NCOA3: variants seen among roughly 807,000 people sequenced by gnomAD.
The protein encoded by NCOA3 is nuclear receptor coactivator 3, also known as CBP-interacting protein.
A neutral mutation model predicts 158.8 loss-of-function variants in NCOA3; 51 were observed. The observed-to-expected ratio is 0.32, with a 90% CI of 0.26 to 0.41. NCOA3 has a LOEUF of 0.41. NCOA3 is among the 10% of genes least tolerant of loss of function. The pLI is 1.00. For missense variants in NCOA3, 1,510 were observed against 1,746.6 expected, an observed-to-expected ratio of 0.86 and a Z score of 2.41; for synonymous variants, 537 against 592.4, an observed-to-expected ratio of 0.91 and a Z score of 1.36.
chr20:47,519,910 C>T (rs2084298512), intron 1 of NCOA3, among the ~76,000 whole-genome samples: 1 of 151,986 alleles, frequency 6.6e-6, no homozygotes, highest in Non-Finnish European at 1.5e-5. Flanking sequence ...TATATAGATG[C>T]CCACCACCAC....
Position 47,624,001 on chromosome 20 carries a change from T to C in NCOA3, c.174T>C (p.Asp58=). Reference sequence around the variant, plus strand: ...AGCTGATATCTGCCAATCTTAGTGATATTGACAATTTCAATGTCAAACCAG... The same window carrying C: ...AGCTGATATCTGCCAATCTTAGTGACATTGACAATTTCAATGTCAAACCAG... ...LAELISANLS[D]IDNFNVKPDK... The change falls in exon 4 of 23, where the codon GAT becomes GAC. Residue 58 remains aspartate (D), a synonymous_variant. Coordinates refer to ENST00000371998, the MANE Select transcript of NCOA3 (RefSeq NM_181659.3). 6.2e-7 allele frequency: 1 copy of C among 1,611,882 alleles called. No individual in the cohort carries two copies. The highest frequency in any genetic ancestry group is 8.5e-7 in the Non-Finnish European group (1 of 1,178,264).
intron 12 of NCOA3, 123 bp downstream of exon 12, chr20:47,636,885 T>C: frequency 1.1e-6 from 1 of 884,584 alleles, no homozygotes; most frequent in Non-Finnish European, 1.7e-6. Context: ...CTCTCATTTC[T>C]TTATAATTAT....
At chr20:47,647,649 GT>G (rs978153757) in intron 18 of NCOA3, among the ~76,000 whole-genome samples, 1 of 151,330 alleles carries the variant, frequency 6.6e-6, no homozygotes, top group Non-Finnish European at 1.5e-5. Flanking sequence ...GGTAGATAAG[GT>G]TTTTTTTGAA....
intron 1 of NCOA3, among the ~76,000 whole-genome samples, chr20:47,577,882 A>G (rs767798080): frequency 7.2e-5 from 11 of 152,242 alleles, no homozygotes; most frequent in Non-Finnish European, 1.5e-4. Context: ...TATGTAGAAT[A>G]CATTATAAGT....
intron 1 of NCOA3, among the ~76,000 whole-genome samples, chr20:47,525,339 A>G (rs2084411674): frequency 6.7e-6 from 1 of 150,364 alleles, no homozygotes; most frequent in Non-Finnish European, 1.5e-5. Context: ...ACCTCTTTCT[A>G]CACAGACACG....
intron 2 of NCOA3, among the ~76,000 whole-genome samples, chr20:47,588,126 C>A (rs1315040926): frequency 6.8e-6 from 1 of 146,634 alleles, no homozygotes; most frequent in African/African-American, 2.6e-5. Flanking sequence ...CCTTTCTCCA[C>A]CCCACTTTTT....
At chr20:47,639,544 T>C in intron 14 of NCOA3, 33 bp from the exon 15 acceptor site, 1 of 1,608,570 alleles carries the variant, frequency 6.2e-7, no homozygotes. Context: ...CATTATAATA[T>C]GGAAAAGACC....
chr20:47,547,289 C>T (rs1262323802), intron 1 of NCOA3, among the ~76,000 whole-genome samples: 1 of 152,070 alleles, frequency 6.6e-6, no homozygotes, highest in Non-Finnish European at 1.5e-5. Flanking sequence ...CTTCTCTTAC[C>T]CCATCTGTGG....
chr20:47,563,159 AC>A (rs2146185470), intron 1 of NCOA3, among the ~76,000 whole-genome samples: 1 of 152,350 alleles, frequency 6.6e-6, no homozygotes, highest in South Asian at 2.1e-4. Flanking sequence ...GCTGGATGTT[AC>A]GAATTATTTT....
At chr20:47,508,863 G>A (rs989755959) in intron 1 of NCOA3, among the ~76,000 whole-genome samples, 7 of 152,156 alleles carry the variant, frequency 4.6e-5, no homozygotes, top group Non-Finnish European at 1.0e-4. Flanking sequence ...TAATTTGTAA[G>A]CATGTGCTAT....
In NCOA3 at chr20:47,652,959, C is replaced by T; in HGVS notation, c.4150C>T (p.Gln1384Ter). Residue 1384 changes from glutamine to a stop codon, truncating the protein, a stop_gained, in exon 22 of 23, where the codon CAG becomes TAG. Coordinates refer to ENST00000371998, the MANE Select transcript of NCOA3 (RefSeq NM_181659.3). LOFTEE classifies it high-confidence loss of function. ...SSFSQQQFAH[Q>*]GNPAVYSMVH... Reference sequence around the variant, plus strand: ...CTTTTCCCAGCAGCAGTTTGCCCACCAGGGGAATCCTGCAGTGTATAGTAT... The same window carrying T: ...CTTTTCCCAGCAGCAGTTTGCCCACTAGGGGAATCCTGCAGTGTATAGTAT... 2 of 1,614,118 alleles carry T rather than the reference C, an allele frequency of 1.2e-6. No homozygotes were observed. The highest frequency in any genetic ancestry group is 8.5e-7 in the Non-Finnish European group (1 of 1,180,002).
intron 1 of NCOA3, among the ~76,000 whole-genome samples, chr20:47,532,079 G>A (rs373261809): frequency 1.4e-4 from 20 of 147,414 alleles, no homozygotes; most frequent in African/African-American, 4.3e-4. Context: ...GAAAGGTTAC[G>A]GAAAAAAAAT....
At chr20:47,522,893 A>T (rs1213651270) in intron 1 of NCOA3, among the ~76,000 whole-genome samples, 3 of 106,392 alleles carry the variant, frequency 2.8e-5, no homozygotes, top group African/African-American at 4.6e-5. Context: ...GAGATGCTTT[A>T]AAAAAAAAAA....
chr20:47,625,032 C>A (rs1186355005), intron 4 of NCOA3, among the ~76,000 whole-genome samples: 1 of 152,200 alleles, frequency 6.6e-6, no homozygotes, highest in Non-Finnish European at 1.5e-5. Context: ...CTCAGCCTCC[C>A]AGAGTGCTGG....
At chr20:47,621,671 T>TTTTTTTTTTTTG (rs1434238216) in intron 2 of NCOA3, among the ~76,000 whole-genome samples, 1 of 149,916 alleles carries the variant, frequency 6.7e-6, no homozygotes, top group African/African-American at 2.5e-5. Context: ...TTTTTTTTTT[T>TTTTTTTTTTTTG]GAGACGGAGT....
At chr20:47,594,794 T>C (rs2085723124) in intron 2 of NCOA3, among the ~76,000 whole-genome samples, 1 of 34,534 alleles carries the variant, frequency 2.9e-5, no homozygotes, top group African/African-American at 2.2e-4. Context: ...CCTGATTTTT[T>C]TTTTTTTTTT....
rs111544309 is a variant in NCOA3, at chr20:47,635,867, T to C, written c.1505-24T>C. 7.0e-6 allele frequency: 11 copies of C among 1,568,850 alleles called. No homozygotes were observed. In the African/African-American group the frequency reaches 8.3e-5, roughly 12 times the overall value. On this transcript the variant is annotated intron_variant, in intron 11 of 22. Transcript: ENST00000371998. Reference sequence around the variant, plus strand: ...ACAGTGTCTGGTAGTCTAATTCTTTTCCTAAATTTTTTTTCAAATTCAGGT... The same window carrying C: ...ACAGTGTCTGGTAGTCTAATTCTTTCCCTAAATTTTTTTTCAAATTCAGGT...
chr20:47,627,427 GC>G, intron 6 of NCOA3, 133 bp from the exon 7 acceptor site: 1 of 753,080 alleles, frequency 1.3e-6, no homozygotes. Context: ...TTTGTATATT[GC>G]CAGCCTGAAA....
At chr20:47,652,675 G>C in intron 21 of NCOA3, 95 bp downstream of exon 21, 1 of 1,257,530 alleles carries the variant, frequency 8.0e-7, no homozygotes. Context: ...GGATGGAGAG[G>C]TTGAAAGGAC....
Sources: allele counts gnomAD v4.1 joint callset (sites outside exome capture counted in the v4.1 genomes callset), GRCh38; gene constraint gnomAD v4.1.1; transcripts MANE v1.5; gene names NCBI Gene and HGNC (gene_info 2026-07-23, HGNC 2026-07-21).